The following COL11A1 variants were observed in gnomAD, a reference collection of about 807,000 sequenced individuals.
COL11A1 encodes the protein collagen alpha-1(XI) chain.
COL11A1 carries 74 observed loss-of-function variants against 265.2 expected under a neutral mutation model. The ratio of observed to expected loss-of-function variants is 0.28; its 90% confidence interval spans 0.23 to 0.34. COL11A1 has a LOEUF of 0.34. Among genes scored for constraint, COL11A1 ranks in the 10% least tolerant of loss-of-function variants. COL11A1 has a pLI of 1.00. For missense variants in COL11A1, 2,165 were observed against 2,263.6 expected (o/e 0.96, Z 0.88); for synonymous variants, 816 against 727.6 (o/e 1.12, Z -1.96).
rs1164981034 is a variant in COL11A1 at position 103,108,315 on chromosome 1, G to T, written c.-137C>A. 1.4e-6 allele frequency: 1 copy of T among 720,388 alleles called. No homozygotes were observed. The highest frequency in any genetic ancestry group is 1.8e-5 in the African/African-American group (1 of 57,088). 44.6% of individuals were successfully genotyped at this position (720,388 alleles called of 1,614,324 possible). On this transcript the variant is annotated 5_prime_UTR_variant, in exon 1 of 67. Transcript: ENST00000370096. ...AGGGAGAGGGGGAAAAAGTCAAAGG[G>T]CTTTTTCTTCTAAATTTGATGGTTT...
rs149526015 is a variant in COL11A1 at position 102,965,502 on chromosome 1, T to G, written c.2901A>C (p.Gly967=). ...AGGAACATACCTGTGGTCCAACCAC[T>G]CCCCCTGGCCCAGGAGGGCCGGTCT... The part of the protein sequence containing the change: ...QGKTGPPGPG[G]VVGPQGPTGE... Residue 967 remains glycine, a synonymous_variant, in exon 38 of 67, where the codon GGA becomes GGC. Transcript: ENST00000370096. 6.8e-4 allele frequency: 1,104 copies of G among 1,613,228 alleles called. 12 individuals are homozygous for G. In the East Asian group the frequency reaches 0.021, roughly 31 times the overall value.
intron 35 of COL11A1, among the ~76,000 whole-genome samples, chr1:102,976,219 T>C (rs1662448021): frequency 6.7e-6 from 1 of 148,486 alleles, no homozygotes; most frequent in African/African-American, 2.4e-5. Context: ...GAAAGAAACA[T>C]TCCAAAAATC....
chr1:103,105,855 A>G (rs1272868083), intron 1 of COL11A1, among the ~76,000 whole-genome samples: 1 of 152,192 alleles, frequency 6.6e-6, no homozygotes, highest in African/African-American at 2.4e-5. Flanking sequence ...GAATGCCTAC[A>G]AAAGTGGATT....
intron 4 of COL11A1, among the ~76,000 whole-genome samples, chr1:103,058,700 T>C (rs1241379186): frequency 1.3e-5 from 2 of 152,132 alleles, no homozygotes; most frequent in Non-Finnish European, 2.9e-5. Context: ...GAGGAGAGAA[T>C]TTGAGAATAG....
At chr1:103,046,963 A>C (rs902688249) in intron 4 of COL11A1, among the ~76,000 whole-genome samples, 11 of 152,076 alleles carry the variant, frequency 7.2e-5, no homozygotes, top group African/African-American at 2.7e-4. Flanking sequence ...CCATTGGTCT[A>C]TATCTCTATT....
chr1:103,000,985 G>T (rs1665048420), intron 24 of COL11A1: 1 of 390,470 alleles, frequency 2.6e-6, no homozygotes, highest in East Asian at 3.6e-5. Context: ...AATGAAAGAA[G>T]TCAGACATAA....
chr1:103,102,342 C>T (rs1407184474), intron 1 of COL11A1, among the ~76,000 whole-genome samples: 20 of 152,040 alleles, frequency 1.3e-4, no homozygotes, highest in Non-Finnish European at 2.5e-4. Context: ...CTGAAAACTG[C>T]ATTTAAAGTT....
chr1:103,057,425 C>T (rs1670331017), intron 4 of COL11A1, among the ~76,000 whole-genome samples: 1 of 152,242 alleles, frequency 6.6e-6, no homozygotes, highest in Non-Finnish European at 1.5e-5. Flanking sequence ...ATGCTTCAAA[C>T]TCATTTTGAA....
intron 4 of COL11A1, among the ~76,000 whole-genome samples, chr1:103,049,042 G>C (rs1669559393): frequency 1.3e-5 from 2 of 152,160 alleles, no homozygotes; most frequent in Non-Finnish European, 2.9e-5. Flanking sequence ...TTTGGAATAG[G>C]TGTGGTGTGG....
intron 4 of COL11A1, among the ~76,000 whole-genome samples, chr1:103,048,575 G>T (rs559911312): frequency 6.6e-6 from 1 of 152,018 alleles, no homozygotes; most frequent in Non-Finnish European, 1.5e-5. Flanking sequence ...ATTTTTTGAA[G>T]GGTTTTGTGT....
chr1:102,967,749 A>T lies in COL11A1; in HGVS notation c.2863-2209T>A, dbSNP rs188757383. Among the ~76,000 whole-genome samples, 487 of 152,324 alleles carry T rather than the reference A, an allele frequency of 3.2e-3. 2 individuals carry two copies. Among genetic ancestry groups the T allele is most frequent in the Non-Finnish European group, 5.6e-3 (383 of 68,040 alleles). The stretch of plus-strand genomic sequence containing the variant: ...TCTTCCTCCAATTTTTAATCATTAA[A>T]TTCAACAGGAAGATATAAAGGCAAT... On this transcript the variant is annotated intron_variant, in intron 37 of 66. Coordinates refer to ENST00000370096, the MANE Select transcript of COL11A1 (RefSeq NM_001854.4).
At position 102,920,324 on chromosome 1, in the gene COL11A1, C is replaced by G; in HGVS notation, c.3749G>C (p.Gly1250Ala). 1 of 1,613,272 alleles carries G rather than the reference C, an allele frequency of 6.2e-7. No homozygotes were observed. The highest frequency in any genetic ancestry group is 8.5e-7 in the Non-Finnish European group (1 of 1,179,366). Residue 1250 changes from glycine to alanine, a missense_variant, in exon 49 of 67, where the codon GGT (glycine) becomes GCT (alanine). Transcript: ENST00000370096. ...GPPGSVGSVG[G>A]VGEKGEPGEA... ...TAACATATTTACCTTTTCTCCAACA[C>G]CACCAACTGAACCAACAGACCCTGG...
chr1:103,020,887 G>A (rs61815934), intron 9 of COL11A1, among the ~76,000 whole-genome samples: 124,445 of 133,370 alleles, frequency 0.93, 58,298 homozygotes, highest in East Asian at 1. Context: ...TTTGTCAAAG[G>A]TCAGATAGTT....
intron 54 of COL11A1, among the ~76,000 whole-genome samples, chr1:102,906,752 C>G (rs1024663082): frequency 1.3e-5 from 2 of 151,390 alleles, no homozygotes; most frequent in African/African-American, 4.9e-5. Flanking sequence ...GCTAAGCCAC[C>G]TATTTGTTTA....
At chr1:103,011,571 C>T (rs955219188) in intron 14 of COL11A1, among the ~76,000 whole-genome samples, 3 of 151,778 alleles carry the variant, frequency 2.0e-5, no homozygotes, top group African/African-American at 4.8e-5. Flanking sequence ...ATCAGTAAAA[C>T]AGACTAAATA....
intron 4 of COL11A1, among the ~76,000 whole-genome samples, chr1:103,051,512 T>G (rs534247664): frequency 6.6e-6 from 1 of 152,312 alleles, no homozygotes; most frequent in South Asian, 2.1e-4. Context: ...CACCCCTTTC[T>G]TTGACTAGGA....
chr1:103,027,396 A>AAAATATATAT lies in COL11A1; in HGVS notation c.781-1065_781-1064insATATATATTT, dbSNP rs1421941501. Reference sequence around the variant, plus strand: ...AGTAAACTCAACAAGTTAAAACTCTAATATATATATATATATATATATATA... The same window carrying AAAATATATAT: ...AGTAAACTCAACAAGTTAAAACTCTAAAATATATATATATATATATATATATATATATATA... On this transcript the variant is annotated intron_variant, in intron 5 of 66. Coordinates refer to ENST00000370096, the MANE Select transcript of COL11A1 (RefSeq NM_001854.4). Among the ~76,000 whole-genome samples, 56 of 92,068 alleles carry AAAATATATAT rather than the reference A, an allele frequency of 6.1e-4. 1 individual carries two copies. The highest frequency in any genetic ancestry group is 6.5e-3 in the Middle Eastern group (1 of 154). The allele number at this position is 92,068 out of a possible 152,430, so 60.4% of individuals were successfully genotyped here.
chr1:102,979,619 G>A (rs745682510), intron 31 of COL11A1, 184 bp from the exon 32 acceptor site: 2 of 685,514 alleles, frequency 2.9e-6, no homozygotes. Flanking sequence ...AATCCTGGAA[G>A]CATTGAAAGC....
chr1:102,947,871 ATT>A (rs1272204509), intron 41 of COL11A1, among the ~76,000 whole-genome samples: 1 of 151,860 alleles, frequency 6.6e-6, no homozygotes, highest in Non-Finnish European at 1.5e-5. Context: ...TTGTCTTTGG[ATT>A]CTCAGAGGGG....
Sources: allele counts gnomAD v4.1 joint callset (sites outside exome capture counted in the v4.1 genomes callset), GRCh38; gene constraint gnomAD v4.1.1; transcripts MANE v1.5; gene names NCBI Gene and HGNC (gene_info 2026-07-23, HGNC 2026-07-21).